KCNH7: variants seen among roughly 807,000 people sequenced by gnomAD.
KCNH7 encodes potassium voltage-gated channel subfamily H member 7, also known as voltage-gated inwardly rectifying potassium channel KCNH7.
In KCNH7, 49 loss-of-function variants were observed where a neutral mutation model predicts 120.8. That is an observed-to-expected ratio of 0.41 (90% CI 0.32 to 0.51). The LOEUF is 0.51. KCNH7 is among the 20% of genes least tolerant of loss of function. The pLI, the probability that KCNH7 is intolerant of heterozygous loss-of-function variation, is 0.38. For missense variants in KCNH7, 1,097 were observed against 1,446.6 expected, an observed-to-expected ratio of 0.76 and a Z score of 3.92; for synonymous variants, 547 against 516.1, an observed-to-expected ratio of 1.06 and a Z score of -0.81.
intron 2 of KCNH7, among the ~76,000 whole-genome samples, chr2:162,685,046 G>A (rs767698308): frequency 2.0e-5 from 3 of 151,876 alleles, no homozygotes; most frequent in Non-Finnish European, 2.9e-5. Context: ...TGTCCTTTGC[G>A]GGGACATGGA....
At chr2:162,532,493 A>C (rs1408150428) in intron 3 of KCNH7, among the ~76,000 whole-genome samples, 4 of 151,990 alleles carry the variant, frequency 2.6e-5, no homozygotes, top group Non-Finnish European at 5.9e-5. Context: ...TTGATGTAAG[A>C]AAAGAATGAA....
intron 9 of KCNH7, among the ~76,000 whole-genome samples, chr2:162,421,125 GAAGTCCGTGCA>G (rs1448718424): frequency 6.6e-6 from 1 of 152,190 alleles, no homozygotes; most frequent in East Asian, 1.9e-4. Context: ...ACACAAACAA[GAAGTCCGTGCA>G]AAGTCAAGCT....
intron 2 of KCNH7, among the ~76,000 whole-genome samples, chr2:162,657,596 T>A (rs1684810769): frequency 6.6e-6 from 1 of 152,194 alleles, no homozygotes; most frequent in South Asian, 2.1e-4. Context: ...ATAAAAAATA[T>A]TTTGTCTGCT....
chr2:162,541,702 G>A (rs1001223854), intron 2 of KCNH7, among the ~76,000 whole-genome samples: 2 of 152,054 alleles, frequency 1.3e-5, no homozygotes, highest in South Asian at 2.1e-4. Flanking sequence ...GCGGGGGATC[G>A]GGGAAAGGGA....
At chr2:162,517,560 A>G (rs935475255) in intron 4 of KCNH7, among the ~76,000 whole-genome samples, 170 bp downstream of exon 4, 6 of 151,866 alleles carry the variant, frequency 4.0e-5, no homozygotes, top group South Asian at 2.1e-4. Flanking sequence ...ACAAGGGTTC[A>G]AAGAGGAAAT....
chr2:162,771,366 T>C (rs887836156), intron 2 of KCNH7, among the ~76,000 whole-genome samples: 13 of 152,146 alleles, frequency 8.5e-5, no homozygotes, highest in African/African-American at 2.9e-4. Context: ...TGTGAGTCTA[T>C]ATTTACTCTG....
rs11888873 is a variant in KCNH7, at chr2:162,818,399, T to C, written c.307+18138A>G. Among the ~76,000 whole-genome samples, 665 of 152,202 alleles carry C rather than the reference T, an allele frequency of 4.4e-3. 4 individuals are homozygous for C. The highest frequency in any genetic ancestry group is 0.015 in the African/African-American group (606 of 41,568). On this transcript the variant is annotated intron_variant, in intron 2 of 15. Transcript: ENST00000332142. The stretch of plus-strand genomic sequence containing the variant: ...TTTGTCAAAAATTAAATCATATATG[T>C]GTGGATCTATTTTTGGACTTATCCT...
At chr2:162,819,263 T>G (rs1340197070) in intron 2 of KCNH7, among the ~76,000 whole-genome samples, 1 of 152,188 alleles carries the variant, frequency 6.6e-6, no homozygotes, top group African/African-American at 2.4e-5. Flanking sequence ...TGTGGTTATA[T>G]TAAAGAATTT....
chr2:162,410,877 T>A (rs376816239), intron 9 of KCNH7, among the ~76,000 whole-genome samples: 1 of 151,986 alleles, frequency 6.6e-6, no homozygotes, highest in African/African-American at 2.4e-5. Flanking sequence ...ATCAGAGAAA[T>A]GCAAATCACA....
At chr2:162,505,107 C>G (rs1036201868) in intron 5 of KCNH7, among the ~76,000 whole-genome samples, 1 of 151,948 alleles carries the variant, frequency 6.6e-6, no homozygotes, top group Non-Finnish European at 1.5e-5. Context: ...TGTTACTCCC[C>G]TGTCTGTGTC....
intron 9 of KCNH7, among the ~76,000 whole-genome samples, chr2:162,401,900 T>C (rs549701870): frequency 7.9e-5 from 12 of 151,882 alleles, no homozygotes; most frequent in Non-Finnish European, 1.6e-4. Flanking sequence ...CAATATTGAA[T>C]TTAGCCATAA....
At chr2:162,701,747 G>T (rs147334533) in intron 2 of KCNH7, among the ~76,000 whole-genome samples, 1 of 152,136 alleles carries the variant, frequency 6.6e-6, no homozygotes, top group Admixed American at 6.6e-5. Context: ...AGTGGCTCAC[G>T]CCTGTCATCC....
At chr2:162,415,671 C>T (rs958855542) in intron 9 of KCNH7, among the ~76,000 whole-genome samples, 4 of 152,050 alleles carry the variant, frequency 2.6e-5, no homozygotes, top group African/African-American at 9.7e-5. Context: ...GACAACCAAT[C>T]ATTAATGTTT....
At chr2:162,393,782 A>G (rs1429240614) in intron 12 of KCNH7, among the ~76,000 whole-genome samples, 3 of 151,974 alleles carry the variant, frequency 2.0e-5, no homozygotes, top group Non-Finnish European at 2.9e-5. Flanking sequence ...TTCCTGTTAC[A>G]GAGCCTACTA....
At chr2:162,552,065 G>C (rs7578089) in intron 2 of KCNH7, among the ~76,000 whole-genome samples, 12,006 of 152,182 alleles carry the variant, frequency 0.079, 1,615 homozygotes, top group African/African-American at 0.27. Flanking sequence ...GAAATTGTTA[G>C]TTGACCACTC....
intron 7 of KCNH7, among the ~76,000 whole-genome samples, chr2:162,437,636 G>A (rs976405160): frequency 2.0e-5 from 3 of 152,058 alleles, no homozygotes; most frequent in Non-Finnish European, 2.9e-5. Context: ...ATGAAGTGTA[G>A]TTTCTTCATC....
At chr2:162,441,819 A>G (rs1179903231) in intron 7 of KCNH7, among the ~76,000 whole-genome samples, 1 of 151,996 alleles carries the variant, frequency 6.6e-6, no homozygotes, top group East Asian at 1.9e-4. Context: ...TAGGAAATAG[A>G]GAATCTTTTT....
At chr2:162,779,034 T>C (rs141918341) in intron 2 of KCNH7, among the ~76,000 whole-genome samples, 2,479 of 152,156 alleles carry the variant, frequency 0.016, 61 homozygotes, top group African/African-American at 0.052. Flanking sequence ...AACTTTATTG[T>C]AATTTTAATT....
At chr2:162,400,062 T>C in intron 10 of KCNH7, 127 bp downstream of exon 10, 1 of 1,046,024 alleles carries the variant, frequency 9.6e-7, no homozygotes, top group Non-Finnish European at 1.4e-6. Flanking sequence ...AATGCAGCTT[T>C]CAAATTACCC....
Sources: gnomAD v4.1 joint callset for allele counts (sites outside exome capture counted in the v4.1 genomes callset) on GRCh38, gnomAD v4.1.1 for gene constraint, MANE v1.5 for transcripts, NCBI Gene and HGNC (gene_info 2026-07-23, HGNC 2026-07-21) for gene names.